The following SNX13 variants were observed in gnomAD, a reference collection of about 807,000 sequenced individuals.
SNX13 encodes sorting nexin 13.
Under a neutral mutation model 133.6 loss-of-function variants are expected in SNX13, and 45 were observed. That is an observed-to-expected ratio of 0.34 (90% CI 0.27 to 0.43). The LOEUF is 0.43. SNX13 is among the 20% of genes least tolerant of loss of function. The pLI is 1.00. For synonymous variants in SNX13, 414 were observed against 373.9 expected (o/e 1.11, Z -1.24); for missense variants, 1,032 against 1,145.1 (o/e 0.90, Z 1.43).
In SNX13 at chr7:17,893,366, G is replaced by A. The variant is rs761501759; in HGVS notation, c.194C>T (p.Ser65Leu). The change falls in exon 3 of 26, where the codon TCA becomes TTA. Residue 65 changes from serine to leucine, a missense_variant. Ser to Leu is a moderately radical substitution (Grantham distance 145). Coordinates refer to ENST00000428135, the MANE Select transcript of SNX13 (RefSeq NM_015132.5). ...SEKYLEQCEH[S>L]FLPPTSPGVP... ...CCCAGGTGATGTTGGAGGAAGAAATGAGTGTTCACACTGTTCTAGGTACTT... is the reference window on the plus strand; with the variant it reads ...CCCAGGTGATGTTGGAGGAAGAAATAAGTGTTCACACTGTTCTAGGTACTT... 6.3e-7 allele frequency: 1 copy of A among 1,577,836 alleles called. No homozygotes were observed. Among genetic ancestry groups the A allele is most frequent in the Admixed American group, 1.8e-5 (1 of 55,462 alleles).
rs572731542 is a variant in SNX13, at chr7:17,811,446, C to T, written c.2064+3388G>A. On this transcript the variant is annotated intron_variant, in intron 20 of 25. Transcript: ENST00000428135. ...CTAGGAATACAACTTACAAGGGATGCGAAGGACATCTTTAAGGAGAACTAC... is the reference window on the plus strand; with the variant it reads ...CTAGGAATACAACTTACAAGGGATGTGAAGGACATCTTTAAGGAGAACTAC... 5.9e-4 allele frequency among the ~76,000 whole-genome samples: 89 copies of T among 151,800 alleles called. 1 individual carries two copies. The highest frequency in any genetic ancestry group is 1.9e-3 in the African/African-American group (77 of 41,372).
chr7:17,901,030 G>A (rs75346497), intron 1 of SNX13, among the ~76,000 whole-genome samples: 2,263 of 152,172 alleles, frequency 0.015, 59 homozygotes, highest in African/African-American at 0.052. Flanking sequence ...TAGTCAGCAG[G>A]CAATCAATCT....
chr7:17,793,008 C>T lies in SNX13; in HGVS notation c.*1037G>A, dbSNP rs1783702842. ...TAGTTCTTTTTTCATCATTTATTTT[C>T]ATATATGTACACTGTCATAGAATTA... On this transcript the variant is annotated 3_prime_UTR_variant, in exon 26 of 26. Coordinates refer to ENST00000428135, the MANE Select transcript of SNX13 (RefSeq NM_015132.5). 1 of 151,840 alleles carries T rather than the reference C, an allele frequency of 6.6e-6. No individual in the cohort carries two copies. Among genetic ancestry groups the T allele is most frequent in the South Asian group, 2.1e-4 (1 of 4,806 alleles). The allele number at this position is 151,840 out of a possible 1,614,324, so 9.4% of individuals were successfully genotyped here. A position where few individuals can be genotyped will look rare whatever the true frequency, so the allele number is the denominator to read the frequency against.
chr7:17,830,391 T>G, intron 15 of SNX13: 4 of 984,414 alleles, frequency 4.1e-6, no homozygotes, highest in Non-Finnish European at 4.8e-6. Context: ...CATTGCAGAA[T>G]GAGGCCCATT....
Position 17,834,767 on chromosome 7 carries a change from T to C in SNX13, c.1458A>G (p.Gln486=). 1.3e-6 allele frequency: 2 copies of C among 1,594,228 alleles called. No homozygotes were observed. The highest frequency in any genetic ancestry group is 1.7e-6 in the Non-Finnish European group (2 of 1,163,546). The change falls in exon 14 of 26, where the codon CAA becomes CAG. Residue 486 remains glutamine, a synonymous_variant. Transcript: ENST00000428135. ...ATGCTGTACATAATAATACCTTTCT[T>C]TGAATGTCATCAAAGATTTCAGGGG... The part of the protein sequence containing the change: ...DPTPEIFDDI[Q]RKVYELMLRD...
chr7:17,901,610 C>A (rs1027172971), intron 1 of SNX13, among the ~76,000 whole-genome samples: 1 of 152,128 alleles, frequency 6.6e-6, no homozygotes, highest in African/African-American at 2.4e-5. Context: ...ATGCAAAGTC[C>A]CATAATCACT....
rs576866565 is a variant in SNX13 at position 17,863,476 on chromosome 7, A to T, written c.837+4931T>A. On this transcript the variant is annotated intron_variant, in intron 9 of 25. Coordinates refer to ENST00000428135, the MANE Select transcript of SNX13 (RefSeq NM_015132.5). ...GGCTGTGTCTTAAAACTTAGGTAAC[A>T]GCTCAGCCGCAGTAAAACCAAAAAC... is the stretch of plus-strand genomic sequence containing the variant. 5.3e-5 allele frequency among the ~76,000 whole-genome samples: 8 copies of T among 152,284 alleles called. No homozygotes were observed. The South Asian group carries it at 1.7e-3, about 32-fold the overall frequency.
chr7:17,877,959 G>A (rs1794915463), intron 5 of SNX13, among the ~76,000 whole-genome samples: 1 of 151,828 alleles, frequency 6.6e-6, no homozygotes, highest in African/African-American at 2.4e-5. Flanking sequence ...TTATAAATTA[G>A]GATATATACT....
chr7:17,817,620 ATTGGGAGG>A (rs1191352170), intron 18 of SNX13, among the ~76,000 whole-genome samples: 1 of 152,218 alleles, frequency 6.6e-6, no homozygotes, highest in East Asian at 1.9e-4. Context: ...TTACTCCAGT[ATTGGGAGG>A]AAAACCAATA....
intron 20 of SNX13, among the ~76,000 whole-genome samples, chr7:17,807,635 TC>T (rs1195463531): frequency 6.6e-6 from 1 of 152,200 alleles, no homozygotes; most frequent in Non-Finnish European, 1.5e-5. Flanking sequence ...GACTGCCTCC[TC>T]ATGTGGGTCC....
chr7:17,805,244 TGTGTGTGC>T lies in SNX13; in HGVS notation c.2065-1672_2065-1665del, dbSNP rs1253540091. ...GTGTGTGTGTGTGTGTGTGTGTGTG[TGTGTGTGC>T]GTGCGCGCGCGCGCATGCATGCACA... On this transcript the variant is annotated intron_variant, in intron 20 of 25. Coordinates refer to ENST00000428135, the MANE Select transcript of SNX13 (RefSeq NM_015132.5). 8.3e-4 allele frequency among the ~76,000 whole-genome samples: 89 copies of T among 107,360 alleles called. 1 individual carries two copies. Among genetic ancestry groups the T allele is most frequent in the South Asian group, 4.2e-3 (15 of 3,562 alleles). 70.4% of individuals were successfully genotyped at this position (107,360 alleles called of 152,430 possible).
intron 19 of SNX13, 51 bp from the exon 20 acceptor site, chr7:17,814,995 C>A: frequency 7.5e-7 from 1 of 1,336,770 alleles, no homozygotes; most frequent in Non-Finnish European, 9.6e-7. Flanking sequence ...TGACAGAATG[C>A]TAGAAATTAC....
chr7:17,824,102 G>A (rs1583373856), intron 17 of SNX13, among the ~76,000 whole-genome samples: 1 of 152,060 alleles, frequency 6.6e-6, no homozygotes, highest in African/African-American at 2.4e-5. Flanking sequence ...GATTTAGCTA[G>A]AAGGGTTTGT....
intron 22 of SNX13, among the ~76,000 whole-genome samples, chr7:17,801,201 A>T (rs898188922): frequency 2.0e-5 from 3 of 151,626 alleles, no homozygotes; most frequent in Admixed American, 2.0e-4. Context: ...TAAAGCCACA[A>T]GAATGAAGGA....
chr7:17,801,009 C>CATATATATATATATATATATAT (rs71010273), intron 22 of SNX13, among the ~76,000 whole-genome samples: 2 of 120,220 alleles, frequency 1.7e-5, no homozygotes, highest in Admixed American at 1.8e-4. Flanking sequence ...TAAAACTGAA[C>CATATATATATATATATATATAT]ATATATATAT....
Position 17,897,314 on chromosome 7 carries a change from T to C in SNX13, c.125+20A>G. 1 of 1,339,522 alleles carries C rather than the reference T, an allele frequency of 7.5e-7. No individual in the cohort carries two copies. The allele number at this position is 1,339,522 out of a possible 1,614,324, so 83.0% of individuals were successfully genotyped here. A position where few individuals can be genotyped will look rare whatever the true frequency, so the allele number is the denominator to read the frequency against. ...AAGATATGACACATGAATTATAAAATTATAATTGAGTATACTTACCCACCC... is the reference window on the plus strand; with the variant it reads ...AAGATATGACACATGAATTATAAAACTATAATTGAGTATACTTACCCACCC... On this transcript the variant is annotated intron_variant, in intron 2 of 25. Transcript: ENST00000428135.
chr7:17,888,922 T>C (rs1338534880), intron 5 of SNX13: 1 of 280,850 alleles, frequency 3.6e-6, no homozygotes, highest in African/African-American at 2.3e-5. Flanking sequence ...ACTCAAGTTT[T>C]CAGATTACTA....
In SNX13 at chr7:17,897,466, TA is replaced by T; in HGVS notation, c.13-21del. ...ACTGGCCTGAAATACAGAAAAAATATAAGTAAATTAGTAAATAATTCTCCAC... is the reference window on the plus strand; with the variant it reads ...ACTGGCCTGAAATACAGAAAAAATATAGTAAATTAGTAAATAATTCTCCAC... On this transcript the variant is annotated intron_variant, in intron 1 of 25. Coordinates refer to ENST00000428135, the MANE Select transcript of SNX13 (RefSeq NM_015132.5). The T allele has an allele frequency of 7.4e-7, 1 of 1,348,796 alleles. No individual in the cohort carries two copies. Among genetic ancestry groups the T allele is most frequent in the East Asian group, 2.5e-5 (1 of 40,438 alleles). 83.6% of individuals were successfully genotyped at this position (1,348,796 alleles called of 1,614,324 possible). A position where few individuals can be genotyped will look rare whatever the true frequency, so the allele number is the denominator to read the frequency against.
At chr7:17,917,867 TCACATTACCTGACTTAAAACTATAC>T (rs1020613383) in intron 1 of SNX13, among the ~76,000 whole-genome samples, 3 of 151,922 alleles carry the variant, frequency 2.0e-5, no homozygotes, top group Non-Finnish European at 2.9e-5. Context: ...AAAATAGGTA[TCACATTACCTGACTTAAAACTATAC>T]CACATTACCT....
Sources: gnomAD v4.1 joint callset for allele counts (sites outside exome capture counted in the v4.1 genomes callset) on GRCh38, gnomAD v4.1.1 for gene constraint, MANE v1.5 for transcripts, NCBI Gene and HGNC (gene_info 2026-07-23, HGNC 2026-07-21) for gene names.